PDCD1LG2: variants seen among roughly 807,000 people sequenced by gnomAD.
The protein encoded by PDCD1LG2 is B7 dendritic cell molecule.
PDCD1LG2 carries 32 observed loss-of-function variants against 28.2 expected under a neutral mutation model. The observed-to-expected ratio is 1.13, with a 90% CI of 0.86 to 1.52. The LOEUF is 1.52. PDCD1LG2 is among the 40% of genes most tolerant of loss of function. The pLI, the probability that PDCD1LG2 is intolerant of heterozygous loss-of-function variation, is 0.00. For synonymous variants in PDCD1LG2, 116 were observed against 120.2 expected, an observed-to-expected ratio of 0.97 and a Z score of 0.23; for missense variants, 385 against 323.8, an observed-to-expected ratio of 1.19 and a Z score of -1.45.
Position 5,557,722 on chromosome 9 carries a change from CAA to C in PDCD1LG2, c.737_738del (p.Gln246ProfsTer37). On this transcript the variant is annotated frameshift_variant, in exon 5 of 7. Coordinates refer to ENST00000397747, the MANE Select transcript of PDCD1LG2 (RefSeq NM_025239.4). LOFTEE classifies it high-confidence loss of function. ...AGCCACAGTGATAGCCCTAAGAAAA[CAA>C]CTCTGTCAAAAGCTGTATTCTTCAA... ...FIATVIALRK[Q>X]LCQKLYSSKD... 6.2e-7 allele frequency: 1 copy of C among 1,613,824 alleles called. No homozygotes were observed. The highest frequency in any genetic ancestry group is 1.3e-5 in the African/African-American group (1 of 74,896).
intron 4 of PDCD1LG2, among the ~76,000 whole-genome samples, chr9:5,556,816 C>T (rs183741786): frequency 6.6e-6 from 1 of 152,278 alleles, no homozygotes; most frequent in African/African-American, 2.4e-5. Flanking sequence ...TAGGTGAACA[C>T]TCCTCTAGCC....
At chr9:5,567,850 A>T (rs1246755217) in intron 6 of PDCD1LG2, among the ~76,000 whole-genome samples, 1 of 152,220 alleles carries the variant, frequency 6.6e-6, no homozygotes, top group African/African-American at 2.4e-5. Context: ...GGTACTCAAG[A>T]AACAGTTCTC....
At position 5,525,907 on chromosome 9, in the gene PDCD1LG2, C is replaced by T. The variant is rs191573518; in HGVS notation, c.55+3306C>T. On this transcript the variant is annotated intron_variant, in intron 2 of 6. Coordinates refer to ENST00000397747, the MANE Select transcript of PDCD1LG2 (RefSeq NM_025239.4). ...ACAAAAAATACAAAAATTAGCTGGG[C>T]ATGGTGGCACAAGCCTGTAATCCCA... 6.0e-3 allele frequency among the ~76,000 whole-genome samples: 909 copies of T among 152,138 alleles called. 11 individuals are homozygous for T. Among genetic ancestry groups the T allele is most frequent in the African/African-American group, 0.02 (850 of 41,510 alleles).
rs2129795320 is a variant in PDCD1LG2 at position 5,534,972 on chromosome 9, A to T, written c.283A>T (p.Arg95Trp). ...ASFHIPQVQV[R>W]DEGQYQCIII... is the part of the protein sequence containing the mutation. Reference sequence around the variant, plus strand: ...GTTCCACATACCTCAAGTCCAAGTGAGGGACGAAGGACAGTACCAATGCAT... The same window carrying T: ...GTTCCACATACCTCAAGTCCAAGTGTGGGACGAAGGACAGTACCAATGCAT... Residue 95 changes from arginine (R) to tryptophan (W), a missense_variant, in exon 3 of 7, where the codon AGG becomes TGG. Coordinates refer to ENST00000397747, the MANE Select transcript of PDCD1LG2 (RefSeq NM_025239.4). The T allele has an allele frequency of 6.2e-7, 1 of 1,614,142 alleles. No individual in the cohort carries two copies. The highest frequency in any genetic ancestry group is 2.2e-5 in the East Asian group (1 of 44,876).
At chr9:5,518,498 T>A (rs1039307412) in intron 1 of PDCD1LG2, among the ~76,000 whole-genome samples, 3 of 152,262 alleles carry the variant, frequency 2.0e-5, no homozygotes, top group Non-Finnish European at 4.4e-5. Flanking sequence ...CCAGGCCTGT[T>A]GGTGCAGCTT....
At chr9:5,525,181 T>C (rs1465662273) in intron 2 of PDCD1LG2, among the ~76,000 whole-genome samples, 1 of 152,018 alleles carries the variant, frequency 6.6e-6, no homozygotes, top group Non-Finnish European at 1.5e-5. Flanking sequence ...AACCCCTCTG[T>C]ACTAAAAATA....
At chr9:5,515,160 A>G (rs1273639067) in intron 1 of PDCD1LG2, among the ~76,000 whole-genome samples, 1 of 152,252 alleles carries the variant, frequency 6.6e-6, no homozygotes, top group East Asian at 1.9e-4. Flanking sequence ...CAAGAGACCC[A>G]GATATTAGAG....
chr9:5,566,832 A>G (rs1252644132), intron 6 of PDCD1LG2, among the ~76,000 whole-genome samples: 1 of 152,204 alleles, frequency 6.6e-6, no homozygotes, highest in African/African-American at 2.4e-5. Flanking sequence ...ATAATAAAAA[A>G]ATAGAAAATT....
intron 3 of PDCD1LG2, among the ~76,000 whole-genome samples, chr9:5,541,635 G>A (rs894308498): frequency 6.6e-6 from 1 of 151,938 alleles, no homozygotes; most frequent in African/African-American, 2.4e-5. Context: ...ACCTCTACAA[G>A]GAAAACTACA....
At chr9:5,527,034 A>C (rs1378451056) in intron 2 of PDCD1LG2, among the ~76,000 whole-genome samples, 1 of 151,890 alleles carries the variant, frequency 6.6e-6, no homozygotes, top group African/African-American at 2.4e-5. Context: ...TTAATCATTA[A>C]CTCTTTCCTT....
chr9:5,548,747 C>G (rs1816261860), intron 3 of PDCD1LG2, among the ~76,000 whole-genome samples: 1 of 152,158 alleles, frequency 6.6e-6, no homozygotes, highest in Non-Finnish European at 1.5e-5. Flanking sequence ...ATATACCCAA[C>G]TCTTTACTAT....
chr9:5,511,015 G>C (rs1179453980), intron 1 of PDCD1LG2, among the ~76,000 whole-genome samples: 4 of 152,162 alleles, frequency 2.6e-5, no homozygotes, highest in Non-Finnish European at 5.9e-5. Flanking sequence ...TGTTCTTGTT[G>C]CTCAGTTTTA....
At chr9:5,554,742 G>A (rs1327291126) in intron 4 of PDCD1LG2, among the ~76,000 whole-genome samples, 1 of 152,236 alleles carries the variant, frequency 6.6e-6, no homozygotes, top group South Asian at 2.1e-4. Flanking sequence ...TTGTAGGGCT[G>A]GCAGAAAAGA....
chr9:5,525,040 A>AT (rs1820344987), intron 2 of PDCD1LG2, among the ~76,000 whole-genome samples: 1 of 152,222 alleles, frequency 6.6e-6, no homozygotes, highest in Non-Finnish European at 1.5e-5. Flanking sequence ...TTTCTTTTCT[A>AT]TTTTTAAATT....
rs999363106 is a variant in PDCD1LG2, at chr9:5,568,224, C to T, written c.817-1730C>T. 5.3e-5 allele frequency among the ~76,000 whole-genome samples: 8 copies of T among 152,314 alleles called. No individual in the cohort carries two copies. In the East Asian group the frequency reaches 1.5e-3, roughly 29 times the overall value. On this transcript the variant is annotated intron_variant, in intron 6 of 6. Coordinates refer to ENST00000397747, the MANE Select transcript of PDCD1LG2 (RefSeq NM_025239.4). ...ATCATATTTGTCCCTACAAAGGCCT[C>T]TAAGGCAGGGGTCCCCAACCTCTGG...
At chr9:5,551,511 T>C (rs1816333081) in intron 4 of PDCD1LG2, among the ~76,000 whole-genome samples, 2 of 152,184 alleles carry the variant, frequency 1.3e-5, no homozygotes, top group Non-Finnish European at 2.9e-5. Context: ...TCCTAAGATG[T>C]CTACTCAGAC....
intron 6 of PDCD1LG2, among the ~76,000 whole-genome samples, chr9:5,566,113 GC>G (rs35872686): frequency 0.18 from 27,105 of 152,066 alleles, 3,684 homozygotes; most frequent in African/African-American, 0.38. Context: ...GCTCTAGGCT[GC>G]CCGGGAGCCA....
intron 1 of PDCD1LG2, among the ~76,000 whole-genome samples, chr9:5,520,651 T>G (rs1158104788): frequency 1.3e-5 from 2 of 152,180 alleles, no homozygotes; most frequent in Non-Finnish European, 2.9e-5. Context: ...TAAATTGGAT[T>G]TTTTTACTTA....
chr9:5,551,284 T>C (rs1050006528), intron 4 of PDCD1LG2, among the ~76,000 whole-genome samples: 2 of 152,212 alleles, frequency 1.3e-5, no homozygotes, highest in African/African-American at 2.4e-5. Context: ...AAATTCACTA[T>C]ATTGTCATTG....
Sources: allele counts gnomAD v4.1 joint callset (sites outside exome capture counted in the v4.1 genomes callset), GRCh38; gene constraint gnomAD v4.1.1; transcripts MANE v1.5; gene names NCBI Gene and HGNC (gene_info 2026-07-23, HGNC 2026-07-21).